Variants in CSMD1 observed in about 807,000 individuals in gnomAD.
The protein encoded by CSMD1 is CUB and sushi domain-containing protein 1.
A neutral mutation model predicts 417.5 loss-of-function variants in CSMD1; 213 were observed. The observed-to-expected ratio is 0.51, with a 90% CI of 0.46 to 0.57. CSMD1 has a LOEUF of 0.57. CSMD1 is among the 20% of genes least tolerant of loss of function. CSMD1 has a pLI of 0.00. For synonymous variants in CSMD1, 2,862 were observed against 1,736.8 expected (o/e 1.65, Z -16.11); for missense variants, 6,923 against 4,529.7 (o/e 1.53, Z -15.17).
intron 1 of CSMD1, among the ~76,000 whole-genome samples, chr8:4,744,561 T>C (rs188291922): frequency 7.4e-4 from 113 of 152,302 alleles, no homozygotes; most frequent in Non-Finnish European, 1.3e-3. Flanking sequence ...ACCTCAATGA[T>C]TTACAATTCA....
chr8:3,845,012 G>T (rs866109652), intron 5 of CSMD1, among the ~76,000 whole-genome samples: 2 of 152,096 alleles, frequency 1.3e-5, no homozygotes, highest in African/African-American at 4.8e-5. Context: ...GTTAACAAAG[G>T]TTATTGATGT....
rs1266994191 is a variant in CSMD1, at chr8:3,994,116, G to A, written c.818+3787C>T. 2.6e-5 allele frequency among the ~76,000 whole-genome samples: 4 copies of A among 152,190 alleles called. No individual in the cohort carries two copies. In the South Asian group the frequency reaches 8.3e-4, roughly 31 times the overall value. ...CTCAGGGAGCTGAAGCTCAGTCATG[G>A]AAGTTAAGAATCGATGCATTTATAT... On this transcript the variant is annotated intron_variant, in intron 5 of 69. Coordinates refer to ENST00000635120, the MANE Select transcript of CSMD1 (RefSeq NM_033225.6).
intron 11 of CSMD1, among the ~76,000 whole-genome samples, chr8:3,470,216 T>G (rs973572271): frequency 7.2e-5 from 11 of 152,208 alleles, no homozygotes; most frequent in African/African-American, 2.7e-4. Context: ...ATATAACATT[T>G]TGTTCAACAT....
intron 1 of CSMD1, among the ~76,000 whole-genome samples, chr8:4,839,800 G>C (rs1800729621): frequency 6.6e-6 from 1 of 152,094 alleles, no homozygotes; most frequent in Non-Finnish European, 1.5e-5. Context: ...TAGACCTTTT[G>C]AATTAAATAT....
At chr8:3,911,769 C>G (rs928765770) in intron 5 of CSMD1, among the ~76,000 whole-genome samples, 3 of 152,142 alleles carry the variant, frequency 2.0e-5, no homozygotes, top group African/African-American at 7.2e-5. Flanking sequence ...TCTCATCTCA[C>G]CAGCCTCATT....
At chr8:4,134,720 C>A (rs1425044161) in intron 3 of CSMD1, among the ~76,000 whole-genome samples, 1 of 152,222 alleles carries the variant, frequency 6.6e-6, no homozygotes, top group African/African-American at 2.4e-5. Flanking sequence ...TTACCTCTTA[C>A]TACAAGAGTC....
intron 2 of CSMD1, among the ~76,000 whole-genome samples, chr8:4,495,797 T>A (rs1801951141): frequency 6.6e-6 from 1 of 152,182 alleles, no homozygotes; most frequent in African/African-American, 2.4e-5. Flanking sequence ...TAATAGCCCA[T>A]TCTAGCTAAC....
At chr8:3,241,634 G>C (rs1474017469) in intron 26 of CSMD1, among the ~76,000 whole-genome samples, 1 of 152,182 alleles carries the variant, frequency 6.6e-6, no homozygotes, top group Non-Finnish European at 1.5e-5. Flanking sequence ...GGAATCCTGG[G>C]CTGCAGGCAT....
chr8:3,165,838 G>T (rs552509282), intron 37 of CSMD1, among the ~76,000 whole-genome samples: 3 of 152,194 alleles, frequency 2.0e-5, no homozygotes, highest in East Asian at 1.9e-4. Context: ...AGCTTTTTGG[G>T]AATGCGGTGA....
intron 10 of CSMD1, among the ~76,000 whole-genome samples, chr8:3,530,504 A>G (rs1325527101): frequency 2.0e-5 from 3 of 152,276 alleles, no homozygotes; most frequent in South Asian, 2.1e-4. Context: ...AGCAAAATGT[A>G]CAGTGAATCT....
rs34593924 is a variant in CSMD1 at position 3,602,716 on chromosome 8, T to TACACAC, written c.1097+13988_1097+13993dup. On this transcript the variant is annotated intron_variant, in intron 8 of 69. Transcript: ENST00000635120. The stretch of plus-strand genomic sequence containing the variant: ...CAACCCATTCTTTTACAGGAAGAAT[T>TACACAC]ACACACACACACACACACACACACA... Among the ~76,000 whole-genome samples, 278 of 146,712 alleles carry TACACAC rather than the reference T, an allele frequency of 1.9e-3. 1 individual carries two copies. The highest frequency in any genetic ancestry group is 3.5e-3 in the Admixed American group (52 of 14,756).
At chr8:3,627,229 A>G (rs865813449) in intron 7 of CSMD1, among the ~76,000 whole-genome samples, 1 of 152,190 alleles carries the variant, frequency 6.6e-6, no homozygotes, top group Non-Finnish European at 1.5e-5. Context: ...AACTGAGTTT[A>G]AGATTGTGAT....
intron 3 of CSMD1, among the ~76,000 whole-genome samples, chr8:4,065,285 T>C (rs982464166): frequency 1.3e-5 from 2 of 152,212 alleles, no homozygotes; most frequent in Non-Finnish European, 2.9e-5. Flanking sequence ...TGGGCAGTGC[T>C]TCCCCATCCC....
intron 5 of CSMD1, among the ~76,000 whole-genome samples, chr8:3,834,814 C>A (rs1382119942): frequency 6.6e-6 from 1 of 151,856 alleles, no homozygotes; most frequent in Non-Finnish European, 1.5e-5. Flanking sequence ...TCACAACCTA[C>A]TCATCTGACA....
intron 5 of CSMD1, among the ~76,000 whole-genome samples, chr8:3,914,399 G>A (rs1325526705): frequency 6.6e-6 from 1 of 152,116 alleles, no homozygotes; most frequent in East Asian, 1.9e-4. Flanking sequence ...AGATAAAGAT[G>A]TTTGGTGCAA....
chr8:3,892,267 C>G (rs984649185), intron 5 of CSMD1, among the ~76,000 whole-genome samples: 1 of 152,148 alleles, frequency 6.6e-6, no homozygotes, highest in Admixed American at 6.5e-5. Flanking sequence ...ATTCAATAAT[C>G]CAGCACAAAG....
intron 31 of CSMD1, among the ~76,000 whole-genome samples, chr8:3,204,378 A>C (rs1435726529): frequency 6.7e-6 from 1 of 149,836 alleles, no homozygotes; most frequent in East Asian, 1.9e-4. Context: ...TAATCAGGGG[A>C]ATACTGCTGA....
intron 1 of CSMD1, among the ~76,000 whole-genome samples, chr8:4,861,827 T>C (rs1802153339): frequency 6.6e-6 from 1 of 152,070 alleles, no homozygotes; most frequent in South Asian, 2.1e-4. Context: ...TATGTATTGA[T>C]TTCATAATAT....
chr8:3,571,800 T>C (rs1218701628), intron 10 of CSMD1, among the ~76,000 whole-genome samples: 1 of 152,148 alleles, frequency 6.6e-6, no homozygotes, highest in Non-Finnish European at 1.5e-5. Context: ...GTCTGCTCTG[T>C]TTCAGACCTT....
Sources: gnomAD v4.1 joint callset for allele counts (sites outside exome capture counted in the v4.1 genomes callset) on GRCh38, gnomAD v4.1.1 for gene constraint, MANE v1.5 for transcripts, NCBI Gene and HGNC (gene_info 2026-07-23, HGNC 2026-07-21) for gene names.